The following PRKG1 variants were observed in gnomAD, a reference collection of about 807,000 sequenced individuals.
PRKG1 encodes cGMP-dependent protein kinase 1.
In PRKG1, 35 loss-of-function variants were observed where a neutral mutation model predicts 88.1. The observed-to-expected ratio is 0.40, with a 90% CI of 0.30 to 0.53. PRKG1 has a LOEUF of 0.53. Among genes scored for constraint, PRKG1 ranks in the 20% least tolerant of loss-of-function variants. PRKG1 has a pLI of 0.59. For synonymous variants in PRKG1, 303 were observed against 292.5 expected (o/e 1.04, Z -0.37); for missense variants, 540 against 839.8 (o/e 0.64, Z 4.41).
chr10:52,164,648 G>A (rs749314403), intron 9 of PRKG1, among the ~76,000 whole-genome samples: 11 of 151,920 alleles, frequency 7.2e-5, no homozygotes, highest in Non-Finnish European at 1.0e-4. Flanking sequence ...AGAAAGAAAG[G>A]CAATGAAATG....
At chr10:51,780,154 G>A (rs1184764393) in intron 3 of PRKG1, among the ~76,000 whole-genome samples, 2 of 152,090 alleles carry the variant, frequency 1.3e-5, no homozygotes, top group Admixed American at 6.6e-5. Context: ...TGGTAACATA[G>A]TCTGCTGTTA....
Position 51,672,434 on chromosome 10 carries a change from C to CT in PRKG1, c.593-132145dup, listed in dbSNP as rs1199221082. 2.0e-5 allele frequency among the ~76,000 whole-genome samples: 3 copies of CT among 151,740 alleles called. No homozygotes were observed. The East Asian group carries it at 5.8e-4, about 29-fold the overall frequency. On this transcript the variant is annotated intron_variant, in intron 3 of 17. Coordinates refer to ENST00000373980, the MANE Select transcript of PRKG1 (RefSeq NM_006258.4). ...ATTATACTTTTTATTTCTAGAATTT[C>CT]TTTTTTACATTTCTTTCTGATATTT... is the stretch of plus-strand genomic sequence containing the variant.
intron 9 of PRKG1, among the ~76,000 whole-genome samples, chr10:52,238,466 A>G (rs909433521): frequency 6.6e-5 from 10 of 152,044 alleles, no homozygotes; most frequent in Admixed American, 4.6e-4. Context: ...ACTCAAACAA[A>G]TTTACAAGAA....
At chr10:51,255,810 C>G (rs1839542928) in intron 2 of PRKG1, among the ~76,000 whole-genome samples, 1 of 152,066 alleles carries the variant, frequency 6.6e-6, no homozygotes, top group Non-Finnish European at 1.5e-5. Flanking sequence ...TAAGGGTCTA[C>G]TTTCCTGAGT....
intron 3 of PRKG1, among the ~76,000 whole-genome samples, chr10:51,495,158 G>A (rs888695545): frequency 6.6e-6 from 1 of 151,954 alleles, no homozygotes; most frequent in African/African-American, 2.4e-5. Context: ...GCAGTGGCAC[G>A]ATCTTGGCTC....
At chr10:51,823,047 T>G (rs1248114674) in intron 4 of PRKG1, among the ~76,000 whole-genome samples, 1 of 151,816 alleles carries the variant, frequency 6.6e-6, no homozygotes, top group African/African-American at 2.4e-5. Flanking sequence ...TACAGTGGAG[T>G]TTTTTAGAGG....
intron 7 of PRKG1, among the ~76,000 whole-genome samples, chr10:52,090,317 G>C (rs949250490): frequency 3.7e-4 from 57 of 152,028 alleles, no homozygotes; most frequent in African/African-American, 1.4e-3. Context: ...AATGGGCAAA[G>C]CTAAAACAAT....
chr10:51,717,744 A>T (rs1310418457), intron 3 of PRKG1, among the ~76,000 whole-genome samples: 2 of 151,796 alleles, frequency 1.3e-5, no homozygotes, highest in Admixed American at 1.3e-4. Flanking sequence ...AGGCTGGAGA[A>T]TGGCGTGAAC....
chr10:51,213,706 A>T (rs113970567), intron 2 of PRKG1, among the ~76,000 whole-genome samples: 3,075 of 152,274 alleles, frequency 0.02, 45 homozygotes, highest in Middle Eastern at 0.051. Context: ...AACTTATTTT[A>T]AAAAAGACTT....
At chr10:51,513,491 C>T (rs1211364414) in intron 3 of PRKG1, among the ~76,000 whole-genome samples, 3 of 110,400 alleles carry the variant, frequency 2.7e-5, no homozygotes, top group East Asian at 3.3e-4. Context: ...CTGCACCAAG[C>T]GGACCTAATA....
chr10:51,699,259 A>G, intron 3 of PRKG1: 1 of 1,613,882 alleles, frequency 6.2e-7, no homozygotes, highest in South Asian at 1.1e-5. Context: ...ACTCCTCCTT[A>G]TTCTTTTCAC....
At chr10:51,286,688 G>T (rs1017317113) in intron 2 of PRKG1, among the ~76,000 whole-genome samples, 1 of 152,024 alleles carries the variant, frequency 6.6e-6, no homozygotes, top group African/African-American at 2.4e-5. Context: ...TCATTTCTTT[G>T]TCCTGGGAAC....
rs892518230 is a variant in PRKG1, at chr10:52,282,023, T to C, written c.1546-130T>C. 1.6e-5 allele frequency: 16 copies of C among 1,005,898 alleles called. No homozygotes were observed. In the African/African-American group the frequency reaches 2.1e-4, roughly 13 times the overall value. 62.3% of individuals were successfully genotyped at this position (1,005,898 alleles called of 1,614,324 possible). A position where few individuals can be genotyped will look rare whatever the true frequency, so the allele number is the denominator to read the frequency against. On this transcript the variant is annotated intron_variant, in intron 13 of 17. Coordinates refer to ENST00000373980, the MANE Select transcript of PRKG1 (RefSeq NM_006258.4). ...GTCTTTGCAATATAGACTATTCTTTTTGGAAGACAGAACTATAAAAACATA... is the reference window on the plus strand; with the variant it reads ...GTCTTTGCAATATAGACTATTCTTTCTGGAAGACAGAACTATAAAAACATA...
chr10:51,597,967 A>G (rs1444269231), intron 3 of PRKG1, among the ~76,000 whole-genome samples: 1 of 152,200 alleles, frequency 6.6e-6, no homozygotes, highest in Non-Finnish European at 1.5e-5. Context: ...AAAAAACTCT[A>G]GAAGGAGATA....
chr10:51,509,286 G>T (rs1841321648), intron 3 of PRKG1, among the ~76,000 whole-genome samples: 1 of 152,158 alleles, frequency 6.6e-6, no homozygotes, highest in African/African-American at 2.4e-5. Context: ...CACTTCAGCT[G>T]ATAAGACCTA....
chr10:51,463,799 T>A (rs1839807098), intron 2 of PRKG1, among the ~76,000 whole-genome samples: 1 of 152,190 alleles, frequency 6.6e-6, no homozygotes, highest in South Asian at 2.1e-4. Context: ...TTGGGATACT[T>A]CTAAATGTCT....
At chr10:51,900,917 A>G (rs1166700916) in intron 4 of PRKG1, among the ~76,000 whole-genome samples, 3 of 152,192 alleles carry the variant, frequency 2.0e-5, no homozygotes, top group Non-Finnish European at 4.4e-5. Flanking sequence ...AAAAACATGT[A>G]TACAAAATTT....
chr10:52,249,048 C>G (rs1439523508), intron 9 of PRKG1, among the ~76,000 whole-genome samples: 2 of 91,878 alleles, frequency 2.2e-5, no homozygotes, highest in Admixed American at 1.2e-4. Flanking sequence ...CTCCCCTTCC[C>G]TCCCCTTCCC....
At chr10:51,193,635 T>A (rs1011151160) in intron 2 of PRKG1, among the ~76,000 whole-genome samples, 2 of 152,082 alleles carry the variant, frequency 1.3e-5, no homozygotes, top group Admixed American at 1.3e-4. Flanking sequence ...GTAAATTAGT[T>A]GTTTTACTTT....
Sources: allele counts gnomAD v4.1 joint callset (sites outside exome capture counted in the v4.1 genomes callset), GRCh38; gene constraint gnomAD v4.1.1; transcripts MANE v1.5; gene names NCBI Gene and HGNC (gene_info 2026-07-23, HGNC 2026-07-21).